DSCAM: variants seen among roughly 807,000 people sequenced by gnomAD.
DSCAM encodes cell adhesion molecule DSCAM.
In DSCAM, 47 loss-of-function variants were observed where a neutral mutation model predicts 217.7. The observed-to-expected ratio is 0.22, with a 90% CI of 0.17 to 0.28. The LOEUF is 0.28. DSCAM is among the 10% of genes least tolerant of loss of function. DSCAM has a pLI of 1.00. For missense variants in DSCAM, 2,080 were observed against 2,618.3 expected (o/e 0.79, Z 4.49); for synonymous variants, 1,056 against 1,015.3 (o/e 1.04, Z -0.76).
At chr21:40,411,405 T>C (rs796262343) in intron 3 of DSCAM, among the ~76,000 whole-genome samples, 10 of 152,080 alleles carry the variant, frequency 6.6e-5, no homozygotes, top group African/African-American at 2.4e-4. Flanking sequence ...AGAAAACAAA[T>C]AGCAAGACTG....
chr21:40,828,208 G>A (rs1055738360), intron 1 of DSCAM, among the ~76,000 whole-genome samples: 15 of 152,130 alleles, frequency 9.9e-5, no homozygotes, highest in Non-Finnish European at 2.1e-4. Flanking sequence ...TTCAAGACCA[G>A]CCCAGGCAAC....
intron 8 of DSCAM, among the ~76,000 whole-genome samples, chr21:40,324,318 A>G (rs1299185687): frequency 6.6e-6 from 1 of 152,060 alleles, no homozygotes; most frequent in Non-Finnish European, 1.5e-5. Flanking sequence ...AAAAGATGCA[A>G]GTTGGATACA....
intron 31 of DSCAM, among the ~76,000 whole-genome samples, chr21:40,043,570 C>T (rs1311249861): frequency 6.6e-6 from 1 of 152,140 alleles, no homozygotes; most frequent in African/African-American, 2.4e-5. Flanking sequence ...GAAGTGAAAA[C>T]TTGGTGGTTG....
intron 3 of DSCAM, among the ~76,000 whole-genome samples, chr21:40,412,789 T>C (rs2075335055): frequency 6.6e-6 from 1 of 152,226 alleles, no homozygotes; most frequent in African/African-American, 2.4e-5. Context: ...AGCCAAATGT[T>C]AATCCCCAAG....
rs867557363 is a variant in DSCAM, at chr21:40,085,760, C to T, written c.3974G>A (p.Gly1325Glu). ...ATCAATCGTTACTAGACTGGGTGTC[C>T]CGTTACTGCCTCACAGGAAGAAAAA... is the stretch of plus-strand genomic sequence containing the variant. ...PAVKWMKDSN[G>E]TPSLVTIDGR... The change falls in exon 23 of 33, where the codon GGG (glycine) becomes GAG (glutamate). Residue 1325 changes from glycine to glutamate, a missense_variant. Coordinates refer to ENST00000400454, the MANE Select transcript of DSCAM (RefSeq NM_001389.5). 6.7e-7 allele frequency: 1 copy of T among 1,498,336 alleles called. No individual in the cohort carries two copies. Among genetic ancestry groups the T allele is most frequent in the East Asian group, 2.4e-5 (1 of 42,420 alleles). 92.8% of individuals were successfully genotyped at this position (1,498,336 alleles called of 1,614,324 possible). A position where few individuals can be genotyped will look rare whatever the true frequency, so the allele number is the denominator to read the frequency against.
chr21:40,354,571 C>T (rs189784605), intron 4 of DSCAM, among the ~76,000 whole-genome samples: 64 of 151,950 alleles, frequency 4.2e-4, no homozygotes, highest in African/African-American at 1.3e-3. Flanking sequence ...AACACTAGGC[C>T]GGGCATGGTG....
intron 14 of DSCAM, 75 bp downstream of exon 14, chr21:40,187,056 A>G (rs1241996672): frequency 9.5e-6 from 15 of 1,572,546 alleles, no homozygotes; most frequent in Non-Finnish European, 1.3e-5. Flanking sequence ...GCTTACAGGT[A>G]AAACACATTA....
intron 20 of DSCAM, among the ~76,000 whole-genome samples, chr21:40,103,388 G>A (rs2089779423): frequency 6.6e-6 from 1 of 152,078 alleles, no homozygotes; most frequent in Non-Finnish European, 1.5e-5. Context: ...ATAGGGTAAG[G>A]GAACTTTTAG....
intron 11 of DSCAM, among the ~76,000 whole-genome samples, chr21:40,204,676 G>A (rs1056244716): frequency 2.0e-5 from 3 of 152,184 alleles, no homozygotes; most frequent in Non-Finnish European, 4.4e-5. Flanking sequence ...CCAGCCTGTG[G>A]AAGCCAGAAC....
At chr21:40,421,204 C>T (rs959401651) in intron 3 of DSCAM, among the ~76,000 whole-genome samples, 4 of 152,210 alleles carry the variant, frequency 2.6e-5, no homozygotes, top group Non-Finnish European at 4.4e-5. Context: ...CTGCCTGCAG[C>T]TCAGGCCCAT....
chr21:40,634,952 T>G (rs2089736977), intron 3 of DSCAM, among the ~76,000 whole-genome samples: 1 of 152,254 alleles, frequency 6.6e-6, no homozygotes, highest in African/African-American at 2.4e-5. Flanking sequence ...TTTTAGTAGT[T>G]GTCTGCCTGC....
chr21:40,570,378 T>A (rs1204398880), intron 3 of DSCAM, among the ~76,000 whole-genome samples: 1 of 152,168 alleles, frequency 6.6e-6, no homozygotes. Flanking sequence ...ACATGTCAGA[T>A]TGACTCAGCC....
chr21:40,254,577 C>T (rs2073346724), intron 11 of DSCAM, among the ~76,000 whole-genome samples: 1 of 152,186 alleles, frequency 6.6e-6, no homozygotes, highest in Non-Finnish European at 1.5e-5. Flanking sequence ...ACTTAACACA[C>T]AGAATCAAGG....
chr21:40,306,971 A>G (rs1296379148), intron 9 of DSCAM, among the ~76,000 whole-genome samples: 1 of 152,146 alleles, frequency 6.6e-6, no homozygotes. Flanking sequence ...TGAGTTAGGG[A>G]GGATTCCCTC....
intron 30 of DSCAM, among the ~76,000 whole-genome samples, chr21:40,045,533 C>T (rs1405181850): frequency 1.3e-5 from 2 of 152,202 alleles, no homozygotes; most frequent in African/African-American, 2.4e-5. Context: ...CCAGCAGAGA[C>T]TGTCAGGTAC....
intron 3 of DSCAM, among the ~76,000 whole-genome samples, chr21:40,563,704 G>GTA (rs148270084): frequency 0.79 from 113,006 of 142,736 alleles, 44,909 homozygotes; most frequent in African/African-American, 0.84. Flanking sequence ...TTATATGTGT[G>GTA]TATATAGTTA....
At chr21:40,751,284 T>C (rs2146562418) in intron 1 of DSCAM, among the ~76,000 whole-genome samples, 1 of 152,300 alleles carries the variant, frequency 6.6e-6, no homozygotes, top group Admixed American at 6.5e-5. Flanking sequence ...ACTGCTTCAG[T>C]TTCTTTGCAC....
At chr21:40,617,928 G>A (rs1339676571) in intron 3 of DSCAM, among the ~76,000 whole-genome samples, 1 of 152,208 alleles carries the variant, frequency 6.6e-6, no homozygotes, top group Non-Finnish European at 1.5e-5. Flanking sequence ...CGCGAAGCAG[G>A]CAAAACACCG....
chr21:40,711,602 T>A (rs1601158924), intron 1 of DSCAM, among the ~76,000 whole-genome samples: 1 of 152,172 alleles, frequency 6.6e-6, no homozygotes, highest in Admixed American at 6.5e-5. Context: ...TTAGCGCCAA[T>A]GCACCCTGCC....
Sources: gnomAD v4.1 joint callset for allele counts (sites outside exome capture counted in the v4.1 genomes callset) on GRCh38, gnomAD v4.1.1 for gene constraint, MANE v1.5 for transcripts, NCBI Gene and HGNC (gene_info 2026-07-23, HGNC 2026-07-21) for gene names.